The following NIBAN1 variants were observed in gnomAD, a reference collection of about 807,000 sequenced individuals.
NIBAN1 encodes the protein niban apoptosis regulator 1.
A neutral mutation model predicts 75.1 loss-of-function variants in NIBAN1; 81 were observed. The ratio of observed to expected loss-of-function variants is 1.08; its 90% CI spans 0.90 to 1.30. The LOEUF (loss-of-function observed/expected upper bound fraction) is 1.30. Among genes scored for constraint, NIBAN1 ranks in the 50% most tolerant of loss-of-function variants. The pLI is 0.00. For synonymous variants in NIBAN1, 436 were observed against 424.8 expected (o/e 1.03, Z -0.32); for missense variants, 1,133 against 1,128.1 (o/e 1.00, Z -0.06).
intron 1 of NIBAN1, among the ~76,000 whole-genome samples, chr1:184,955,888 A>T (rs1401259416): frequency 6.6e-6 from 1 of 152,142 alleles, no homozygotes; most frequent in Non-Finnish European, 1.5e-5. Flanking sequence ...CCAGGCCTGG[A>T]GCACAAAATC....
At chr1:184,893,962 T>C (rs1656734480) in intron 3 of NIBAN1, 113 bp downstream of exon 3, 1 of 1,092,132 alleles carries the variant, frequency 9.2e-7, no homozygotes, top group East Asian at 2.6e-5. Flanking sequence ...TTTGTACCAG[T>C]ACCATGCTGA....
At chr1:184,840,655 T>C (rs1388381490) in intron 5 of NIBAN1, among the ~76,000 whole-genome samples, 2 of 150,964 alleles carry the variant, frequency 1.3e-5, no homozygotes. Context: ...GAAAAGGAAG[T>C]GGTGACTACT....
chr1:184,834,766 A>G (rs1655093919), intron 5 of NIBAN1, among the ~76,000 whole-genome samples: 1 of 152,142 alleles, frequency 6.6e-6, no homozygotes, highest in Non-Finnish European at 1.5e-5. Flanking sequence ...CCTTTGCCAG[A>G]TGGGTAGATT....
chr1:184,946,067 G>A (rs1199565091), intron 1 of NIBAN1, among the ~76,000 whole-genome samples: 1 of 151,900 alleles, frequency 6.6e-6, no homozygotes, highest in Non-Finnish European at 1.5e-5. Flanking sequence ...TCCAAAAACA[G>A]GGACAGATAG....
chr1:184,839,175 A>G (rs1014717268), intron 5 of NIBAN1, among the ~76,000 whole-genome samples: 1 of 152,208 alleles, frequency 6.6e-6, no homozygotes, highest in African/African-American at 2.4e-5. Flanking sequence ...ACTTTACAGA[A>G]GACAAGAAAA....
At chr1:184,964,692 A>G (rs1246892298) in intron 1 of NIBAN1, among the ~76,000 whole-genome samples, 1 of 152,168 alleles carries the variant, frequency 6.6e-6, no homozygotes, top group Non-Finnish European at 1.5e-5. Flanking sequence ...CTAGGGGAAG[A>G]CAAGAGGGAA....
At position 184,795,441 on chromosome 1, in the gene NIBAN1, G is replaced by A; in HGVS notation, c.2323C>T (p.Pro775Ser). Residue 775 changes from proline (P) to serine (S), a missense_variant, in exon 14 of 14, where the codon CCT (proline) becomes TCT (serine). Pro to Ser is a moderately conservative substitution (Grantham distance 74). Coordinates refer to ENST00000367511, the MANE Select transcript of NIBAN1 (RefSeq NM_052966.4). ...TCCCCATGGGCCTCGGGACAGGGAG[G>A]TTGGGCCTCCCTCTCGCTGACTTCA... ...ESEVSEREAQ[P>S]PCPEAHGEEL... 6.2e-7 allele frequency: 1 copy of A among 1,608,376 alleles called. No homozygotes were observed. The highest frequency in any genetic ancestry group is 1.3e-5 in the African/African-American group (1 of 74,752).
intron 3 of NIBAN1, 66 bp from the exon 4 acceptor site, chr1:184,890,288 G>A: frequency 9.1e-7 from 1 of 1,102,354 alleles, no homozygotes; most frequent in Non-Finnish European, 1.4e-6. Context: ...AAATATCAGG[G>A]ATATAACAAA....
chr1:184,906,944 A>C (rs1223383968), intron 1 of NIBAN1, among the ~76,000 whole-genome samples: 1 of 152,200 alleles, frequency 6.6e-6, no homozygotes, highest in Non-Finnish European at 1.5e-5. Flanking sequence ...CTTTCTTGGA[A>C]GATACTATTT....
At chr1:184,812,559 C>A (rs1654413854) in intron 9 of NIBAN1, among the ~76,000 whole-genome samples, 1 of 152,152 alleles carries the variant, frequency 6.6e-6, no homozygotes, top group South Asian at 2.1e-4. Context: ...CTGCTTATCT[C>A]CATCTTGTTT....
At chr1:184,879,812 A>T (rs1656330655) in intron 5 of NIBAN1, among the ~76,000 whole-genome samples, 1 of 152,230 alleles carries the variant, frequency 6.6e-6, no homozygotes, top group South Asian at 2.1e-4. Flanking sequence ...TCACTGTTAT[A>T]GCTCCACATT....
rs759880926 is a variant in NIBAN1, at chr1:184,884,688, A to T, written c.546T>A (p.Ala182=). 1.9e-6 allele frequency: 3 copies of T among 1,614,224 alleles called. No individual in the cohort carries two copies. Among genetic ancestry groups the T allele is most frequent in the Non-Finnish European group, 2.5e-6 (3 of 1,180,018 alleles). The change falls in exon 5 of 14, where the codon GCT becomes GCA. Residue 182 remains alanine, a synonymous_variant. Transcript: ENST00000367511. ...GGAGGGCACTAAACCTCTTCTGGTC[A>T]GCAGCCTCGTGGAAGCAGAAGTAGC... ...RHGYFCFHEA[A]DQKRFSALLS...
At chr1:184,971,034 C>T (rs1315762738) in intron 1 of NIBAN1, among the ~76,000 whole-genome samples, 2 of 152,022 alleles carry the variant, frequency 1.3e-5, no homozygotes, top group African/African-American at 2.4e-5. Flanking sequence ...GCCTGTAATC[C>T]CAGCACTTTG....
In NIBAN1 at chr1:184,876,734, T is replaced by A. The variant is rs574841567; in HGVS notation, c.601+7899A>T. 1.0e-3 allele frequency among the ~76,000 whole-genome samples: 157 copies of A among 152,246 alleles called. 1 individual carries two copies. The highest frequency in any genetic ancestry group is 3.6e-3 in the African/African-American group (149 of 41,558). On this transcript the variant is annotated intron_variant, in intron 5 of 13. Coordinates refer to ENST00000367511, the MANE Select transcript of NIBAN1 (RefSeq NM_052966.4). ...AAACTGAATAATCCTGTAACATTTTTAAAATTTAACTTAGTAGTTTAAGAT... is the reference window on the plus strand; with the variant it reads ...AAACTGAATAATCCTGTAACATTTTAAAAATTTAACTTAGTAGTTTAAGAT...
At chr1:184,830,015 C>T (rs750895498) in intron 6 of NIBAN1, among the ~76,000 whole-genome samples, 53 of 152,218 alleles carry the variant, frequency 3.5e-4, no homozygotes, top group African/African-American at 1.2e-3. Flanking sequence ...CAGGACCATT[C>T]TGTCTTGTCC....
chr1:184,809,212 G>A (rs1654296461), intron 9 of NIBAN1, among the ~76,000 whole-genome samples: 1 of 152,166 alleles, frequency 6.6e-6, no homozygotes, highest in Admixed American at 6.5e-5. Context: ...ATGCTTTAAA[G>A]GGAAAATACT....
rs367666731 is a variant in NIBAN1 at position 184,974,471 on chromosome 1, G to C, written c.-115C>G. ...CTGAAATTAAGAGCAAACTTCCTTCGAGAGGCGAGAGACAGGAGGCAAGAG... is the reference window on the plus strand; with the variant it reads ...CTGAAATTAAGAGCAAACTTCCTTCCAGAGGCGAGAGACAGGAGGCAAGAG... On this transcript the variant is annotated 5_prime_UTR_variant, in exon 1 of 14. Transcript: ENST00000367511. 32 of 1,350,618 alleles carry C rather than the reference G, an allele frequency of 2.4e-5. No individual in the cohort carries two copies. The East Asian group carries it at 7.8e-4, about 33-fold the overall frequency. The allele number at this position is 1,350,618 out of a possible 1,614,324, so 83.7% of individuals were successfully genotyped here.
Position 184,794,829 on chromosome 1 carries a change from A to T in NIBAN1, c.*148T>A. 1 of 1,022,244 alleles carries T rather than the reference A, an allele frequency of 9.8e-7. No individual in the cohort carries two copies. Among genetic ancestry groups the T allele is most frequent in the South Asian group, 1.4e-5 (1 of 72,860 alleles). The allele number at this position is 1,022,244 out of a possible 1,614,324, so 63.3% of individuals were successfully genotyped here. On this transcript the variant is annotated 3_prime_UTR_variant, in exon 14 of 14. Coordinates refer to ENST00000367511, the MANE Select transcript of NIBAN1 (RefSeq NM_052966.4). ...CCACAAAGGTTTGCCTCAGTTGCTC[A>T]TGCCCTGTATGCATTTCCTCTGGTT... is the stretch of plus-strand genomic sequence containing the variant.
chr1:184,956,474 T>C (rs1658494020), intron 1 of NIBAN1, among the ~76,000 whole-genome samples: 1 of 152,206 alleles, frequency 6.6e-6, no homozygotes, highest in Admixed American at 6.5e-5. Flanking sequence ...CAAAACAGTG[T>C]AATTTAGCAG....
Sources: gnomAD v4.1 joint callset for allele counts (sites outside exome capture counted in the v4.1 genomes callset) on GRCh38, gnomAD v4.1.1 for gene constraint, MANE v1.5 for transcripts, NCBI Gene and HGNC (gene_info 2026-07-23, HGNC 2026-07-21) for gene names.